Variants in ZSWIM6 observed in about 807,000 individuals in gnomAD.
ZSWIM6 encodes the protein zinc finger SWIM domain-containing protein 6.
ZSWIM6 carries 9 observed loss-of-function variants against 113.2 expected under a neutral mutation model. The ratio of observed to expected loss-of-function variants is 0.08; its 90% CI spans 0.05 to 0.14. The LOEUF is 0.14. ZSWIM6 is among the 10% of genes least tolerant of loss of function. ZSWIM6 has a pLI of 1.00. For synonymous variants in ZSWIM6, 611 were observed against 606.5 expected, an observed-to-expected ratio of 1.01 and a Z score of -0.11; for missense variants, 1,162 against 1,552.2, an observed-to-expected ratio of 0.75 and a Z score of 4.22.
intron 1 of ZSWIM6, among the ~76,000 whole-genome samples, chr5:61,471,082 A>T (rs1747559171): frequency 1.3e-5 from 2 of 152,154 alleles, no homozygotes; most frequent in African/African-American, 4.8e-5. Flanking sequence ...TTCTTTGTGA[A>T]TGAAGGGGAA....
chr5:61,450,048 A>C (rs996414909), intron 1 of ZSWIM6, among the ~76,000 whole-genome samples: 7 of 152,174 alleles, frequency 4.6e-5, no homozygotes, highest in Non-Finnish European at 8.8e-5. Context: ...CTTTTTAGGA[A>C]AATTACGTGT....
Position 61,332,842 on chromosome 5 carries a change from G to A in ZSWIM6, c.570G>A (p.Ser190=). The stretch of plus-strand genomic sequence containing the variant: ...CCGCCGCGGGGGCCGGGGCCCCGTC[G>A]GTGGGGGCTGCCGGGGCGGCGGACG... ...AAAAAGAGAP[S]VGAAGAADGG... is the part of the protein sequence containing the mutation. The change falls in exon 1 of 14, where the codon TCG becomes TCA. Residue 190 remains serine (S), a synonymous_variant. Transcript: ENST00000252744. 1.9e-6 allele frequency: 2 copies of A among 1,066,646 alleles called. No homozygotes were observed. The highest frequency in any genetic ancestry group is 2.3e-6 in the Non-Finnish European group (2 of 876,454). 66.1% of individuals were successfully genotyped at this position (1,066,646 alleles called of 1,614,324 possible).
rs2112277399 is a variant in ZSWIM6, at chr5:61,531,703, G to T, written c.2223G>T (p.Lys741Asn). ...LDDTLVKIFR[K>N]QAVFLLEAGP... ...ACACACTGGTGAAAATTTTTCGCAA[G>T]CAAGCAGTCTTCCTATTAGAAGGTA... The change falls in exon 9 of 14, where the codon AAG (lysine) becomes AAT (asparagine). Residue 741 changes from lysine to asparagine, a missense_variant. Coordinates refer to ENST00000252744, the MANE Select transcript of ZSWIM6 (RefSeq NM_020928.2). The T allele has an allele frequency of 1.3e-6, 2 of 1,551,646 alleles. No homozygotes were observed. Among genetic ancestry groups the T allele is most frequent in the South Asian group, 2.4e-5 (2 of 84,066 alleles).
intron 1 of ZSWIM6, among the ~76,000 whole-genome samples, chr5:61,435,278 A>G (rs1047321392): frequency 6.6e-5 from 10 of 152,202 alleles, no homozygotes; most frequent in Non-Finnish European, 4.4e-5. Flanking sequence ...AAGAGTTTTC[A>G]TTTAGCCAAA....
intron 1 of ZSWIM6, among the ~76,000 whole-genome samples, chr5:61,425,436 A>G (rs572642018): frequency 6.6e-6 from 1 of 152,316 alleles, no homozygotes; most frequent in Admixed American, 6.5e-5. Flanking sequence ...AAAAAAGTTA[A>G]TTTAGTCATC....
chr5:61,332,356 C>CA lies in ZSWIM6; in HGVS notation c.84_85insA (p.Gly29ArgfsTer71). 1.1e-6 allele frequency: 1 copy of CA among 934,308 alleles called. No individual in the cohort carries two copies. The highest frequency in any genetic ancestry group is 1.3e-6 in the Non-Finnish European group (1 of 775,248). The allele number at this position is 934,308 out of a possible 1,614,324, so 57.9% of individuals were successfully genotyped here. ...GCGGCGGCGGCGGCGGGGGCAGCAG[C>CA]GGCGGCGGCGGCGGCGCGGGTGGCG... On this transcript the variant is annotated frameshift_variant, in exon 1 of 14. Coordinates refer to ENST00000252744, the MANE Select transcript of ZSWIM6 (RefSeq NM_020928.2). LOFTEE classifies it high-confidence loss of function.
At chr5:61,454,151 T>A (rs905243722) in intron 1 of ZSWIM6, among the ~76,000 whole-genome samples, 4 of 152,056 alleles carry the variant, frequency 2.6e-5, no homozygotes, top group Non-Finnish European at 5.9e-5. Context: ...CACTATTGAT[T>A]TTGTTGCTCA....
At chr5:61,421,954 T>C (rs1746364165) in intron 1 of ZSWIM6, among the ~76,000 whole-genome samples, 1 of 152,210 alleles carries the variant, frequency 6.6e-6, no homozygotes, top group Non-Finnish European at 1.5e-5. Flanking sequence ...TATATTCTGG[T>C]TATTAATCCC....
At chr5:61,413,067 A>C (rs182416192) in intron 1 of ZSWIM6, among the ~76,000 whole-genome samples, 14 of 150,660 alleles carry the variant, frequency 9.3e-5, no homozygotes, top group Non-Finnish European at 1.8e-4. Flanking sequence ...ACATGTGCAC[A>C]ATGTGCAGGT....
At chr5:61,454,995 G>A (rs1747173414) in intron 1 of ZSWIM6, among the ~76,000 whole-genome samples, 2 of 150,478 alleles carry the variant, frequency 1.3e-5, no homozygotes, top group Non-Finnish European at 3.0e-5. Context: ...AAGGAGCTTT[G>A]GTTCCCTTTC....
At chr5:61,475,474 C>T (rs1408624662) in intron 2 of ZSWIM6, among the ~76,000 whole-genome samples, 1 of 152,092 alleles carries the variant, frequency 6.6e-6, no homozygotes, top group East Asian at 1.9e-4. Flanking sequence ...AATAGGAAAG[C>T]CTATCAAGGA....
chr5:61,338,165 T>TG (rs974196641), intron 1 of ZSWIM6, among the ~76,000 whole-genome samples: 9 of 26,134 alleles, frequency 3.4e-4, no homozygotes, highest in Admixed American at 9.1e-4. Flanking sequence ...GTTTTGTGTG[T>TG]TTTTTTTTTT....
At chr5:61,431,372 CAA>C (rs397881994) in intron 1 of ZSWIM6, among the ~76,000 whole-genome samples, 815 of 44,490 alleles carry the variant, frequency 0.018, 2 homozygotes, top group Non-Finnish European at 0.024. Context: ...ACTCCATCTC[CAA>C]AAAAAAAAAA....
At chr5:61,540,232 T>C (rs1209868684) in intron 12 of ZSWIM6, among the ~76,000 whole-genome samples, 1 of 151,938 alleles carries the variant, frequency 6.6e-6, no homozygotes, top group Non-Finnish European at 1.5e-5. Flanking sequence ...AAAGGAGGAG[T>C]GATCGGGCCA....
At chr5:61,519,111 A>G (rs1040790561) in intron 4 of ZSWIM6, among the ~76,000 whole-genome samples, 3 of 152,160 alleles carry the variant, frequency 2.0e-5, no homozygotes, top group African/African-American at 7.2e-5. Flanking sequence ...TTGTTTTAAA[A>G]AATTTCTTAA....
At chr5:61,385,895 G>A (rs1378018590) in intron 1 of ZSWIM6, among the ~76,000 whole-genome samples, 1 of 152,180 alleles carries the variant, frequency 6.6e-6, no homozygotes, top group African/African-American at 2.4e-5. Context: ...AGCTTTGGAT[G>A]TGGGGTTTTC....
At chr5:61,490,984 G>A (rs953142501) in intron 3 of ZSWIM6, 50 bp downstream of exon 3, 5 of 1,416,560 alleles carry the variant, frequency 3.5e-6, no homozygotes, top group Non-Finnish European at 4.7e-6. Context: ...ACATATATAG[G>A]GACTATCTGA....
chr5:61,351,822 G>A (rs915176647), intron 1 of ZSWIM6, among the ~76,000 whole-genome samples: 2 of 151,970 alleles, frequency 1.3e-5, no homozygotes, highest in East Asian at 1.9e-4. Context: ...ACCATAGAGC[G>A]CCATTAAAAA....
At chr5:61,391,766 C>T in intron 1 of ZSWIM6, 1 of 1,044,544 alleles carries the variant, frequency 9.6e-7, no homozygotes, top group Non-Finnish European at 1.5e-6. Flanking sequence ...TTGGAAGGGT[C>T]ATCCTTAGGA....
Sources: allele counts gnomAD v4.1 joint callset (sites outside exome capture counted in the v4.1 genomes callset), GRCh38; gene constraint gnomAD v4.1.1; transcripts MANE v1.5; gene names NCBI Gene and HGNC (gene_info 2026-07-23, HGNC 2026-07-21).